The following BRD10 variants were observed in gnomAD, a reference collection of about 807,000 sequenced individuals.
BRD10 encodes uncharacterized bromodomain-containing protein 10.
chr9:5,922,714 T>C, the BRD10 span: 1 of 1,613,962 alleles, frequency 6.2e-7, no homozygotes. Flanking sequence ...TTTCTCCTGT[T>C]TTAGGATCCA....
At chr9:5,941,985 G>C in the BRD10 span, among the ~76,000 whole-genome samples, 1 of 151,810 alleles carries the variant, frequency 6.6e-6, no homozygotes, top group African/African-American at 2.4e-5. Flanking sequence ...CTTTAGTAAT[G>C]ACACTTATAA....
the BRD10 span, among the ~76,000 whole-genome samples, chr9:5,957,357 A>G: frequency 2.0e-5 from 3 of 152,264 alleles, no homozygotes; most frequent in East Asian, 3.9e-4. Flanking sequence ...TACTGCACAA[A>G]TATCTTAAGT....
At chr9:5,892,605 G>A in the BRD10 span, 1 of 1,486,212 alleles carries the variant, frequency 6.7e-7, no homozygotes, top group Non-Finnish European at 9.3e-7. Context: ...TGCTGACACA[G>A]CCTGCTGACT....
At chr9:5,934,310 T>C in the BRD10 span, among the ~76,000 whole-genome samples, 5 of 151,802 alleles carry the variant, frequency 3.3e-5, no homozygotes, top group African/African-American at 1.2e-4. Flanking sequence ...GTCACAGACA[T>C]AAATTCTGTG....
At chr9:5,967,823 T>G in the BRD10 span, among the ~76,000 whole-genome samples, 3 of 152,152 alleles carry the variant, frequency 2.0e-5, no homozygotes, top group Non-Finnish European at 4.4e-5. Context: ...CAGTACTTTT[T>G]TTGTTGTAAG....
At chr9:5,948,676 T>C in the BRD10 span, among the ~76,000 whole-genome samples, 1 of 151,832 alleles carries the variant, frequency 6.6e-6, no homozygotes, top group Non-Finnish European at 1.5e-5. Context: ...AACAATATGG[T>C]AGATTATATT....
chr9:5,952,416 A>C, the BRD10 span, among the ~76,000 whole-genome samples: 2 of 152,230 alleles, frequency 1.3e-5, no homozygotes, highest in Non-Finnish European at 2.9e-5. Flanking sequence ...GTACACACAT[A>C]CAATTGAAAC....
At chr9:5,972,295 A>G in the BRD10 span, among the ~76,000 whole-genome samples, 2 of 152,220 alleles carry the variant, frequency 1.3e-5, no homozygotes, top group Non-Finnish European at 2.9e-5. Context: ...AAACATGAGC[A>G]AAGAGAAGGA....
At chr9:5,999,256 C>T in the BRD10 span, among the ~76,000 whole-genome samples, 2 of 151,854 alleles carry the variant, frequency 1.3e-5, no homozygotes, top group Non-Finnish European at 2.9e-5. Flanking sequence ...CTAAGTCTGA[C>T]AAATTATTTG....
the BRD10 span, among the ~76,000 whole-genome samples, chr9:5,927,972 T>C: frequency 6.6e-6 from 1 of 152,202 alleles, no homozygotes; most frequent in African/African-American, 2.4e-5. Context: ...GAACTGCTTA[T>C]TCAATAACAC....
At chr9:5,991,581 G>A in the BRD10 span, among the ~76,000 whole-genome samples, 4 of 151,896 alleles carry the variant, frequency 2.6e-5, no homozygotes, top group Non-Finnish European at 5.9e-5. Flanking sequence ...AAATTAGCTG[G>A]GCCTGATGGC....
chr9:5,958,259 A>C, the BRD10 span, among the ~76,000 whole-genome samples: 1 of 152,230 alleles, frequency 6.6e-6, no homozygotes, highest in East Asian at 1.9e-4. Flanking sequence ...AACTAAAGAT[A>C]TATTTTATAC....
chr9:5,914,253 C>T, the BRD10 span, among the ~76,000 whole-genome samples: 1 of 151,982 alleles, frequency 6.6e-6, no homozygotes, highest in Non-Finnish European at 1.5e-5. Flanking sequence ...TTACAGCAAC[C>T]AACTCCTAAA....
chr9:5,914,925 T>C, the BRD10 span, among the ~76,000 whole-genome samples: 1 of 151,996 alleles, frequency 6.6e-6, no homozygotes, highest in Non-Finnish European at 1.5e-5. Context: ...TTACAAAAAA[T>C]GTGAATAACA....
the BRD10 span, among the ~76,000 whole-genome samples, chr9:5,952,562 T>C: frequency 6.6e-6 from 1 of 152,254 alleles, no homozygotes; most frequent in African/African-American, 2.4e-5. Context: ...GGTCATGCAA[T>C]CTGCTAAAAT....
chr9:6,007,245 C>G, the BRD10 span: 1 of 1,613,930 alleles, frequency 6.2e-7, no homozygotes, highest in Non-Finnish European at 8.5e-7. Context: ...GCTTCTGGCC[C>G]TGTTTGGAGA....
the BRD10 span, among the ~76,000 whole-genome samples, chr9:5,882,002 G>A: frequency 6.6e-6 from 1 of 152,236 alleles, no homozygotes; most frequent in Non-Finnish European, 1.5e-5. Flanking sequence ...CATGCAGTAA[G>A]TGGTAGGATG....
the BRD10 span, among the ~76,000 whole-genome samples, chr9:6,001,768 T>G: frequency 1.3e-5 from 2 of 152,196 alleles, no homozygotes; most frequent in African/African-American, 4.8e-5. Flanking sequence ...TAATCCCAGC[T>G]ATCCACTCCC....
chr9:5,956,249 A>G, the BRD10 span, among the ~76,000 whole-genome samples: 2 of 152,086 alleles, frequency 1.3e-5, no homozygotes, highest in Non-Finnish European at 1.5e-5. Context: ...TTCTCAGTTA[A>G]CTCTAGCAGC....
Sources: gnomAD v4.1 joint callset for allele counts (sites outside exome capture counted in the v4.1 genomes callset) on GRCh38, gnomAD v4.1.1 for gene constraint, MANE v1.5 for transcripts, NCBI Gene and HGNC (gene_info 2026-07-23, HGNC 2026-07-21) for gene names.